FAM83A: variants seen among roughly 807,000 people sequenced by gnomAD.
The protein encoded by FAM83A is protein FAM83A.
A neutral mutation model predicts 24.4 loss-of-function variants in FAM83A; 21 were observed. That is an observed-to-expected ratio of 0.86 (90% CI 0.61 to 1.24). The LOEUF (loss-of-function observed/expected upper bound fraction) is 1.24, where lower values mean the gene tolerates loss of function less well. FAM83A is among the 50% of genes most tolerant of loss of function. The pLI is 0.00. For synonymous variants in FAM83A, 270 were observed against 252.4 expected (o/e 1.07, Z -0.66); for missense variants, 617 against 579.8 (o/e 1.06, Z -0.66).
In FAM83A at chr8:123,198,716, C is replaced by G. The variant is rs139736480; in HGVS notation, c.773+4568C>G. 7.4e-4 allele frequency among the ~76,000 whole-genome samples: 113 copies of G among 152,314 alleles called. 1 individual carries two copies. The highest frequency in any genetic ancestry group is 2.7e-3 in the African/African-American group (111 of 41,570). On this transcript the variant is annotated intron_variant, in intron 3 of 3. Transcript: ENST00000690554. ...CAATATCTCATACATTATGCTTTCT[C>G]CTAGAAGAAGAATAATTTGAATGTG...
chr8:123,209,457 A>C lies in FAM83A; in HGVS notation c.*1769A>C, dbSNP rs1488415289. 1.2e-6 allele frequency: 2 copies of C among 1,614,142 alleles called. No individual in the cohort carries two copies. The highest frequency in any genetic ancestry group is 2.2e-5 in the East Asian group (1 of 44,890). On this transcript the variant is annotated 3_prime_UTR_variant, in exon 4 of 4. Coordinates refer to ENST00000690554, the Ensembl canonical transcript of FAM83A. The surrounding 1 kb of genome is among the most constrained non-coding windows in gnomAD (Gnocchi z 4.7). The stretch of plus-strand genomic sequence containing the variant: ...AAAGTAAACAAAACAAAACAAAAAC[A>C]AAAAAACAAACAACACTTTGGTTCC...
chr8:123,190,201 AAAAGAAAGAAAGAAAGAAG>A (rs1823924953), intron 1 of FAM83A, among the ~76,000 whole-genome samples: 1 of 152,204 alleles, frequency 6.6e-6, no homozygotes, highest in South Asian at 2.1e-4. Context: ...GAAAAGAAAG[AAAAGAAAGAAAGAAAGAAG>A]AAAGAAAGAA....
At chr8:123,186,917 TG>T (rs1235299064) in intron 1 of FAM83A, among the ~76,000 whole-genome samples, 1 of 152,132 alleles carries the variant, frequency 6.6e-6, no homozygotes, top group African/African-American at 2.4e-5. Flanking sequence ...TCCTTCCCTC[TG>T]GGGAGCTCCC....
intron 1 of FAM83A, among the ~76,000 whole-genome samples, chr8:123,186,623 A>G (rs1056165000): frequency 2.6e-5 from 4 of 152,180 alleles, no homozygotes; most frequent in Admixed American, 2.6e-4. Flanking sequence ...TGAGGTCAGG[A>G]GTTCAAGACC....
chr8:123,187,357 G>T (rs933266384), intron 1 of FAM83A, among the ~76,000 whole-genome samples: 10 of 152,132 alleles, frequency 6.6e-5, no homozygotes, highest in Admixed American at 2.0e-4. Flanking sequence ...CTTATCCCAT[G>T]TGGGGCTGGA....
chr8:123,192,513 A>G (rs2131076831), intron 2 of FAM83A, among the ~76,000 whole-genome samples: 1 of 152,324 alleles, frequency 6.6e-6, no homozygotes, highest in East Asian at 1.9e-4. Context: ...GAGAAAAGAA[A>G]CCCAGCGATA....
chr8:123,186,560 T>C (rs1347702374), intron 1 of FAM83A, among the ~76,000 whole-genome samples: 1 of 152,150 alleles, frequency 6.6e-6, no homozygotes, highest in Non-Finnish European at 1.5e-5. Flanking sequence ...CTGGGCACGG[T>C]GGCTCTCACC....
chr8:123,197,360 T>A lies in FAM83A; in HGVS notation c.773+3212T>A, dbSNP rs527356766. On this transcript the variant is annotated intron_variant, in intron 3 of 3. Coordinates refer to ENST00000690554, the Ensembl canonical transcript of FAM83A. ...GCCTTGAGGTCTGGAATGTCCTTCA[T>A]AGCACCGAGGGTCCCCATGTAAGTG... is the stretch of plus-strand genomic sequence containing the variant. Among the ~76,000 whole-genome samples, 6 of 152,326 alleles carry A rather than the reference T, an allele frequency of 3.9e-5. No homozygotes were observed. In the South Asian group the frequency reaches 1.2e-3, roughly 32 times the overall value.
intron 1 of FAM83A, 29 bp downstream of exon 1, chr8:123,183,365 G>C (rs376005316): frequency 5.0e-6 from 8 of 1,591,362 alleles, no homozygotes; most frequent in Non-Finnish European, 6.9e-6. Context: ...CTGTCTCCGT[G>C]GCCAAGTAGC....
chr8:123,204,322 TA>T (rs1471139902), intron 3 of FAM83A, among the ~76,000 whole-genome samples: 1 of 152,238 alleles, frequency 6.6e-6, no homozygotes, highest in Non-Finnish European at 1.5e-5. Flanking sequence ...AGTGGGTTCA[TA>T]AGTGCTTACT....
exon 4 of FAM83A, chr8:123,208,963 C>G: frequency 4.2e-6 from 4 of 947,762 alleles, no homozygotes; most frequent in Non-Finnish European, 5.0e-6. Flanking sequence ...GACTCCGTCA[C>G]AGAAAAAAAA....
chr8:123,208,341 G>A, exon 4 of FAM83A: 1 of 985,680 alleles, frequency 1.0e-6, no homozygotes, highest in East Asian at 1.1e-4. Context: ...TAGCTGAGGA[G>A]TTTGGGGTGT....
exon 4 of FAM83A, chr8:123,208,303 C>T: frequency 1.0e-6 from 1 of 985,614 alleles, no homozygotes; most frequent in Non-Finnish European, 1.2e-6. Flanking sequence ...GGGGAGCCAT[C>T]TGAAGCTGTA....
At chr8:123,208,586 C>A in exon 4 of FAM83A, 1 of 985,568 alleles carries the variant, frequency 1.0e-6, no homozygotes, top group Non-Finnish European at 1.2e-6. Flanking sequence ...CTGAACCTCA[C>A]AAGCCCCATC....
intron 3 of FAM83A, among the ~76,000 whole-genome samples, chr8:123,194,486 C>CTTTT (rs71573674): frequency 3.6e-5 from 5 of 140,462 alleles, no homozygotes; most frequent in South Asian, 2.2e-4. Context: ...CATCCCATTG[C>CTTTT]TTTTTTTTTT....
upstream of FAM83A, chr8:123,182,302 C>T: frequency 5.5e-6 from 2 of 361,626 alleles, no homozygotes; most frequent in Non-Finnish European, 1.1e-5. Context: ...GCTCCCTCCT[C>T]ACACAGAGAG....
At chr8:123,201,796 A>G (rs1360882005) in intron 3 of FAM83A, 2 of 152,392 alleles carry the variant, frequency 1.3e-5, no homozygotes, top group African/African-American at 2.4e-5. Flanking sequence ...CATAGGTGCC[A>G]TGCCAGGGCC....
chr8:123,183,351 G>C lies in FAM83A; in HGVS notation c.480+15G>C. The C allele has an allele frequency of 6.3e-7, 1 of 1,599,912 alleles. No homozygotes were observed. The highest frequency in any genetic ancestry group is 8.5e-7 in the Non-Finnish European group (1 of 1,171,268). ...GGACTAGCCAGGTACCGATGGCAAA[G>C]CCCCTGTCTCCGTGGCCAAGTAGCA... is the stretch of plus-strand genomic sequence containing the variant. On this transcript the variant is annotated intron_variant, in intron 1 of 3. Transcript: ENST00000690554.
exon 4 of FAM83A, chr8:123,208,425 G>A: frequency 1.0e-6 from 1 of 985,626 alleles, no homozygotes; most frequent in Non-Finnish European, 1.2e-6. Flanking sequence ...GAGGTCCCTG[G>A]AGTCTAGACT....
Sources: gnomAD v4.1 joint callset for allele counts (sites outside exome capture counted in the v4.1 genomes callset) on GRCh38, gnomAD v4.1.1 for gene constraint, Gnocchi (gnomAD v3.1) non-coding constraint, MANE v1.5 for transcripts, NCBI Gene and HGNC (gene_info 2026-07-23, HGNC 2026-07-21) for gene names.